Variants in SCFD2 observed in about 807,000 individuals in gnomAD.
SCFD2 encodes sec1 family domain-containing protein 2.
SCFD2 carries 54 observed loss-of-function variants against 58.9 expected under a neutral mutation model. The ratio of observed to expected loss-of-function variants is 0.92; its 90% CI spans 0.74 to 1.15. The LOEUF (loss-of-function observed/expected upper bound fraction) is 1.15, where lower values mean the gene tolerates loss of function less well. Among genes scored for constraint, SCFD2 ranks in the 50% most tolerant of loss-of-function variants. The pLI is 0.00. For synonymous variants in SCFD2, 321 were observed against 335.9 expected (o/e 0.96, Z 0.49); for missense variants, 805 against 836.6 (o/e 0.96, Z 0.47).
intron 5 of SCFD2, among the ~76,000 whole-genome samples, chr4:53,092,487 T>A (rs987378573): frequency 6.6e-6 from 1 of 151,706 alleles, no homozygotes; most frequent in Non-Finnish European, 1.5e-5. Flanking sequence ...CAAAAACATG[T>A]ACATGAATAT....
chr4:53,071,802 T>G (rs1723824764), intron 5 of SCFD2, among the ~76,000 whole-genome samples: 1 of 152,152 alleles, frequency 6.6e-6, no homozygotes, highest in African/African-American at 2.4e-5. Flanking sequence ...GACTTAAATG[T>G]AAGAATTATA....
chr4:53,295,155 GT>G (rs1012904766), intron 3 of SCFD2, among the ~76,000 whole-genome samples: 1 of 151,664 alleles, frequency 6.6e-6, no homozygotes, highest in Admixed American at 6.6e-5. Context: ...ATTTAAATTA[GT>G]TTTTTTTCCA....
chr4:52,973,291 A>T (rs1289312292), intron 5 of SCFD2, among the ~76,000 whole-genome samples: 1 of 152,208 alleles, frequency 6.6e-6, no homozygotes, highest in Non-Finnish European at 1.5e-5. Context: ...TAAAGAAGAA[A>T]AGAGAGAAGA....
intron 1 of SCFD2, among the ~76,000 whole-genome samples, chr4:53,363,687 G>C (rs1318835598): frequency 6.6e-6 from 1 of 151,754 alleles, no homozygotes; most frequent in Non-Finnish European, 1.5e-5. Flanking sequence ...GCCCGGCGTA[G>C]TGGCGGGCGC....
intron 3 of SCFD2, among the ~76,000 whole-genome samples, chr4:53,308,554 C>T (rs1732587644): frequency 6.6e-6 from 1 of 152,108 alleles, no homozygotes; most frequent in South Asian, 2.1e-4. Context: ...ACACATGCTC[C>T]TCTTAATCTC....
At chr4:53,052,585 T>C (rs1006683466) in intron 5 of SCFD2, among the ~76,000 whole-genome samples, 4 of 152,208 alleles carry the variant, frequency 2.6e-5, no homozygotes, top group Non-Finnish European at 4.4e-5. Flanking sequence ...ATTTTCCAGC[T>C]ACTGACAGAT....
At chr4:53,116,007 C>A (rs1031461998) in intron 5 of SCFD2, among the ~76,000 whole-genome samples, 1 of 152,076 alleles carries the variant, frequency 6.6e-6, no homozygotes, top group Non-Finnish European at 1.5e-5. Flanking sequence ...GGGCTGATTT[C>A]CCCTCTGACT....
intron 5 of SCFD2, 77 bp from the exon 6 acceptor site, chr4:52,920,947 T>G: frequency 1.2e-6 from 1 of 814,716 alleles, no homozygotes; most frequent in Non-Finnish European, 1.8e-6. Flanking sequence ...CTCGATGTAA[T>G]GTAGTTGGGA....
At chr4:53,231,492 T>G (rs1729438347) in intron 4 of SCFD2, among the ~76,000 whole-genome samples, 1 of 152,214 alleles carries the variant, frequency 6.6e-6, no homozygotes, top group Admixed American at 6.5e-5. Flanking sequence ...ATGTCTTCAC[T>G]TCTAAACTTT....
chr4:53,098,262 T>C (rs1476162274), intron 5 of SCFD2, among the ~76,000 whole-genome samples: 10 of 152,214 alleles, frequency 6.6e-5, no homozygotes, highest in African/African-American at 2.2e-4. Flanking sequence ...CCTCTTTTTC[T>C]ATTGATTGGA....
chr4:53,178,177 G>A (rs1317966962), intron 4 of SCFD2, among the ~76,000 whole-genome samples: 1 of 151,556 alleles, frequency 6.6e-6, no homozygotes, highest in Admixed American at 6.6e-5. Flanking sequence ...CTCCCGTCAT[G>A]CCTGAGAACA....
chr4:53,026,365 G>T (rs562687525), intron 5 of SCFD2, among the ~76,000 whole-genome samples: 5 of 152,286 alleles, frequency 3.3e-5, no homozygotes, highest in Admixed American at 1.3e-4. Flanking sequence ...CTGTGCTTCC[G>T]ACGCCTAGCA....
chr4:53,325,025 A>T (rs1733143096), intron 2 of SCFD2, among the ~76,000 whole-genome samples: 1 of 152,202 alleles, frequency 6.6e-6, no homozygotes, highest in African/African-American at 2.4e-5. Flanking sequence ...GATACATATG[A>T]TCCCCAACCA....
chr4:52,945,672 C>T (rs1720406172), intron 5 of SCFD2: 1 of 152,220 alleles, frequency 6.6e-6, no homozygotes, highest in Non-Finnish European at 1.5e-5. Flanking sequence ...TATCAGCAGA[C>T]AGTTACAGCT....
intron 2 of SCFD2, among the ~76,000 whole-genome samples, chr4:53,320,000 C>T (rs1560445303): frequency 6.6e-6 from 1 of 152,142 alleles, no homozygotes; most frequent in Non-Finnish European, 1.5e-5. Flanking sequence ...GCTTTATATC[C>T]CCTTACAGTT....
chr4:53,145,072 TCTAA>T (rs1726284264), intron 5 of SCFD2, among the ~76,000 whole-genome samples: 1 of 152,172 alleles, frequency 6.6e-6, no homozygotes, highest in Admixed American at 6.5e-5. Context: ...CTTATGAGAC[TCTAA>T]CTAATGCCTG....
At chr4:53,350,134 C>T (rs547764161) in intron 2 of SCFD2, among the ~76,000 whole-genome samples, 15 of 152,300 alleles carry the variant, frequency 9.8e-5, no homozygotes, top group African/African-American at 3.4e-4. Context: ...TAAGGGGCAT[C>T]TACTATTTTT....
At chr4:53,286,074 C>T (rs1731656954) in intron 3 of SCFD2, among the ~76,000 whole-genome samples, 1 of 152,118 alleles carries the variant, frequency 6.6e-6, no homozygotes, top group African/African-American at 2.4e-5. Context: ...GCCATTGTTG[C>T]ACCACATTCA....
intron 7 of SCFD2, among the ~76,000 whole-genome samples, chr4:52,890,926 C>A (rs747577782): frequency 3.9e-5 from 6 of 152,158 alleles, no homozygotes; most frequent in Admixed American, 6.5e-5. Flanking sequence ...TCCTCCTCCA[C>A]ATGGTGCTCC....
Sources: allele counts gnomAD v4.1 joint callset (sites outside exome capture counted in the v4.1 genomes callset), GRCh38; gene constraint gnomAD v4.1.1; transcripts MANE v1.5; gene names NCBI Gene and HGNC (gene_info 2026-07-23, HGNC 2026-07-21).